Variants in KMT2B observed in about 807,000 individuals in gnomAD.
KMT2B encodes the protein lysine methyltransferase 2B.
In KMT2B, 22 loss-of-function variants were observed where a neutral mutation model predicts 255.3. The observed-to-expected ratio is 0.09, with a 90% CI of 0.06 to 0.12. The LOEUF (loss-of-function observed/expected upper bound fraction) is 0.12. Among genes scored for constraint, KMT2B ranks in the 10% least tolerant of loss-of-function variants. The pLI is 1.00. For missense variants in KMT2B, 3,149 were observed against 3,737.0 expected (o/e 0.84, Z 4.10); for synonymous variants, 1,730 against 1,498.1 (o/e 1.15, Z -3.57).
At position 35,720,804 on chromosome 19, in the gene KMT2B, G is replaced by A. The variant is rs777708173; in HGVS notation, c.1457G>A (p.Arg486Gln). ...PSQRAEREAARAGPEGTSPPT... is the reference protein window; with the variant it reads ...PSQRAEREAAQAGPEGTSPPT... ...CAGCGGGCGGAGCGGGAAGCTGCTC[G>A]GGCAGGGCCAGAGGGCACCTCTCCT... The change falls in exon 3 of 37, where the codon CGG (arginine) becomes CAG (glutamine). Residue 486 changes from arginine to glutamine, a missense_variant. Physicochemically the swap from Arg to Gln is conservative, Grantham distance 43. Coordinates refer to ENST00000420124, the MANE Select transcript of KMT2B (RefSeq NM_014727.3). The A allele has an allele frequency of 4.0e-6, 6 of 1,505,178 alleles. No individual in the cohort carries two copies. Among genetic ancestry groups the A allele is most frequent in the African/African-American group, 2.8e-5 (2 of 71,806 alleles). 93.2% of individuals were successfully genotyped at this position (1,505,178 alleles called of 1,614,324 possible).
At position 35,729,247 on chromosome 19, in the gene KMT2B, A is replaced by G; in HGVS notation, c.4868A>G (p.Asp1623Gly). Residue 1623 changes from aspartate (D) to glycine (G), a missense_variant, in exon 22 of 37, where the codon GAC becomes GGC. This residue lies in a region of KMT2B where 14 missense variants were observed against 16.7 expected (regional missense o/e 0.84). Coordinates refer to ENST00000420124, the MANE Select transcript of KMT2B (RefSeq NM_014727.3). The stretch of plus-strand genomic sequence containing the variant: ...TCGGCGGAAGTCTTCGAGGAGAACG[A>G]CGGCTCCCTCAAGAATGTGCATGCT... Reference protein sequence around the residue: ...IWSAEVFEENDGSLKNVHAAV... With the variant: ...IWSAEVFEENGGSLKNVHAAV... 6.2e-7 allele frequency: 1 copy of G among 1,606,032 alleles called. No individual in the cohort carries two copies. The highest frequency in any genetic ancestry group is 8.5e-7 in the Non-Finnish European group (1 of 1,176,364).
Position 35,730,630 on chromosome 19 carries a change from G to T in KMT2B, c.5276+14G>T, listed in dbSNP as rs779775883. ...CATTGGCTACCAGTGAGCGGTCGGG[G>T]TGATCCATGGGGCCAGGGGACTCCA... On this transcript the variant is annotated intron_variant, in intron 25 of 36. Coordinates refer to ENST00000420124, the MANE Select transcript of KMT2B (RefSeq NM_014727.3). The T allele has an allele frequency of 6.8e-6, 11 of 1,613,930 alleles. No individual in the cohort carries two copies. Among genetic ancestry groups the T allele is most frequent in the East Asian group, 2.2e-5 (1 of 44,870 alleles).
chr19:35,726,273 C>A lies in KMT2B; in HGVS notation c.3923C>A (p.Ala1308Glu). 6.2e-7 allele frequency: 1 copy of A among 1,613,864 alleles called. No homozygotes were observed. Among genetic ancestry groups the A allele is most frequent in the Non-Finnish European group, 8.5e-7 (1 of 1,179,852 alleles). ...TGTGTGCGCTGTAAGAGCTGTGGGG[C>A]AACTCCAGGCAAGAACTGGGACGTC... ...SACVRCKSCG[A>E]TPGKNWDVEW... is the part of the protein sequence containing the mutation. The change falls in exon 14 of 37, where the codon GCA (alanine) becomes GAA (glutamate). Residue 1308 changes from alanine (A) to glutamate (E), a missense_variant. By Grantham distance (107) the Ala-to-Glu change is moderately radical (BLOSUM62 -1). Coordinates refer to ENST00000420124, the MANE Select transcript of KMT2B (RefSeq NM_014727.3).
At position 35,725,356 on chromosome 19, in the gene KMT2B, C is replaced by T. The variant is rs1254276127; in HGVS notation, c.3642+23C>T. 6.4e-7 allele frequency: 1 copy of T among 1,555,492 alleles called. No individual in the cohort carries two copies. ...GAGGTTAGATCTCTGCCTTTCTTCA[C>T]AGACCCCCAGCTCTCTGTCGGTCCT... On this transcript the variant is annotated intron_variant, in intron 11 of 36. Transcript: ENST00000420124. The surrounding 1 kb of genome is among the most constrained non-coding windows in gnomAD (Gnocchi z 4.1).
Position 35,725,428 on chromosome 19 carries a change from C to T in KMT2B, c.3643-51C>T. 1.3e-6 allele frequency: 2 copies of T among 1,598,890 alleles called. No individual in the cohort carries two copies. Among genetic ancestry groups the T allele is most frequent in the South Asian group, 1.1e-5 (1 of 90,534 alleles). ...CTCTCAGCTGGGTCTCATCCCTTGG[C>T]CCTCTGGCCTCATGCTATGCCCATC... On this transcript the variant is annotated intron_variant, in intron 11 of 36. Transcript: ENST00000420124. This position sits in a 1 kb window ranked among gnomAD's most constrained non-coding sequence, Gnocchi z 4.1.
In KMT2B at chr19:35,738,822, T is replaced by A; in HGVS notation, c.*265T>A. ...CTTCTTTTCTATGCACTTTTTTATT[T>A]AAGAGGTGGGGTCCCAGGTGGGAAC... On this transcript the variant is annotated 3_prime_UTR_variant, in exon 37 of 37. Coordinates refer to ENST00000420124, the MANE Select transcript of KMT2B (RefSeq NM_014727.3). This position sits in a 1 kb window ranked among gnomAD's most constrained non-coding sequence, Gnocchi z 8.7. 2.0e-6 allele frequency: 1 copy of A among 511,734 alleles called. No homozygotes were observed. Among genetic ancestry groups the A allele is most frequent in the Admixed American group, 3.7e-5 (1 of 26,884 alleles). 31.7% of individuals were successfully genotyped at this position (511,734 alleles called of 1,614,324 possible).
chr19:35,722,230 C>G, intron 3 of KMT2B, 129 bp from the exon 4 acceptor site: 1 of 956,472 alleles, frequency 1.0e-6, no homozygotes, highest in South Asian at 1.7e-5. Context: ...GTCTTGAACT[C>G]CTGACCTCGT....
intron 30 of KMT2B, chr19:35,735,520 G>A (rs73590591): frequency 0.1 from 15,495 of 152,458 alleles, 889 homozygotes; most frequent in South Asian, 0.11. Flanking sequence ...TGACTTCTGT[G>A]TATGCTCACT....
At chr19:35,719,725 G>GCCTTCCT (rs1240277031) in intron 2 of KMT2B, 59 bp from the exon 3 acceptor site, 6 of 1,534,250 alleles carry the variant, frequency 3.9e-6, no homozygotes, top group Non-Finnish European at 5.3e-6. Flanking sequence ...CTCCTGGAGC[G>GCCTTCCT]CCTTCCTCTG....
rs749800156 is a variant in KMT2B at position 35,723,191 on chromosome 19, A to G, written c.2919A>G (p.Leu973=). 6.2e-6 allele frequency: 10 copies of G among 1,613,218 alleles called. No individual in the cohort carries two copies. Among genetic ancestry groups the G allele is most frequent in the East Asian group, 2.2e-5 (1 of 44,884 alleles). ...GATGTGGACACTGTCGGGGCTGCCT[A>G]CGTGTGCAGGACTGTGGGTCCTGTG... The part of the protein sequence containing the change: ...MARCGHCRGC[L]RVQDCGSCVN... Residue 973 remains leucine (L), a synonymous_variant, in exon 6 of 37, where the codon CTA becomes CTG. Coordinates refer to ENST00000420124, the MANE Select transcript of KMT2B (RefSeq NM_014727.3). This position sits in a 1 kb window ranked among gnomAD's most constrained non-coding sequence, Gnocchi z 7.5.
rs1969498793 is a variant in KMT2B, at chr19:35,727,353, C to T, written c.4117+84C>T. The T allele has an allele frequency of 1.3e-6, 2 of 1,576,874 alleles. No homozygotes were observed. The highest frequency in any genetic ancestry group is 8.7e-7 in the Non-Finnish European group (1 of 1,147,148). ...CACAGGCCCCAAGAGGACTGGTGGGCTAAGGGTCCTTGCTGGCCTAGGGGC... is the reference window on the plus strand; with the variant it reads ...CACAGGCCCCAAGAGGACTGGTGGGTTAAGGGTCCTTGCTGGCCTAGGGGC... On this transcript the variant is annotated intron_variant, in intron 15 of 36. Coordinates refer to ENST00000420124, the MANE Select transcript of KMT2B (RefSeq NM_014727.3). The surrounding 1 kb of genome is among the most constrained non-coding windows in gnomAD (Gnocchi z 4.2).
chr19:35,738,561 C>T lies in KMT2B; in HGVS notation c.*4C>T, dbSNP rs200375413. On this transcript the variant is annotated 3_prime_UTR_variant, in exon 37 of 37. Coordinates refer to ENST00000420124, the MANE Select transcript of KMT2B (RefSeq NM_014727.3). The surrounding 1 kb of genome is among the most constrained non-coding windows in gnomAD (Gnocchi z 8.7). ...CTGCCGTCGGTTCCTTAACTGAGGC[C>T]GTGGCTGCCCACCACGACCCCTCAC... is the stretch of plus-strand genomic sequence containing the variant. The T allele has an allele frequency of 1.4e-5, 22 of 1,609,362 alleles. No individual in the cohort carries two copies. Among genetic ancestry groups the T allele is most frequent in the African/African-American group, 8.0e-5 (6 of 74,868 alleles).
chr19:35,737,135 C>A lies in KMT2B; in HGVS notation c.7422C>A (p.Phe2474Leu). The A allele has an allele frequency of 6.2e-7, 1 of 1,610,690 alleles. No individual in the cohort carries two copies. Among genetic ancestry groups the A allele is most frequent in the Admixed American group, 1.7e-5 (1 of 59,640 alleles). The change falls in exon 33 of 37, where the codon TTC becomes TTA. Residue 2474 changes from phenylalanine to leucine, a missense_variant. Physicochemically the swap from Phe to Leu is conservative, Grantham distance 22 (BLOSUM62 0). Around this residue, in one of 18 missense-constraint regions of KMT2B, gnomAD observed 103 missense variants for 200.7 expected, o/e 0.51. Transcript: ENST00000420124. The surrounding 1 kb of genome is among the most constrained non-coding windows in gnomAD (Gnocchi z 5.3). ...LLGIHHDAVI[F>L]LAEQLPGAQR... ...GCATCCACCATGATGCTGTCATCTT[C>A]CTGGCCGAGCAGCTCCCCGGAGCCC...
chr19:35,732,031 C>T lies in KMT2B; in HGVS notation c.5561C>T (p.Pro1854Leu), dbSNP rs374674556. The T allele has an allele frequency of 3.1e-6, 5 of 1,613,114 alleles. No homozygotes were observed. The highest frequency in any genetic ancestry group is 4.2e-6 in the Non-Finnish European group (5 of 1,179,620). Residue 1854 changes from proline (P) to leucine (L), a missense_variant, in exon 27 of 37, where the codon CCT (proline) becomes CTT (leucine). By Grantham distance (98) the Pro-to-Leu change is moderately conservative. Around this residue, in one of 18 missense-constraint regions of KMT2B, gnomAD observed 897 missense variants for 825.3 expected, o/e 1.09. Coordinates refer to ENST00000420124, the MANE Select transcript of KMT2B (RefSeq NM_014727.3). ...PLRPDSGSAPPPAPRSFSGAR... is the reference protein window; with the variant it reads ...PLRPDSGSAPLPAPRSFSGAR... ...CGGCCAGATTCAGGCAGCGCCCCTC[C>T]TCCAGCCCCCCGTTCTTTTTCGGGG...
rs761567941 is a variant in KMT2B at position 35,727,784 on chromosome 19, T to G, written c.4389T>G (p.Ser1463=). The G allele has an allele frequency of 6.2e-7, 1 of 1,613,724 alleles. No individual in the cohort carries two copies. Among genetic ancestry groups the G allele is most frequent in the East Asian group, 2.2e-5 (1 of 44,882 alleles). The change falls in exon 17 of 37, where the codon TCT becomes TCG. Residue 1463 remains serine (S), a synonymous_variant. Coordinates refer to ENST00000420124, the MANE Select transcript of KMT2B (RefSeq NM_014727.3). The surrounding 1 kb of genome is among the most constrained non-coding windows in gnomAD (Gnocchi z 4.2). ...SQRFEDGHYK[S]VHSFMEDMVG... The stretch of plus-strand genomic sequence containing the variant: ...GCTTCGAGGATGGCCACTACAAGTC[T>G]GTGGTGAGTGGTACACCAGGAGGAG...
chr19:35,729,032 C>T lies in KMT2B; in HGVS notation c.4735C>T (p.Arg1579Cys). 1 of 1,614,006 alleles carries T rather than the reference C, an allele frequency of 6.2e-7. No homozygotes were observed. Among genetic ancestry groups the T allele is most frequent in the Non-Finnish European group, 8.5e-7 (1 of 1,179,896 alleles). Residue 1579 changes from arginine (R) to cysteine (C), a missense_variant, in exon 21 of 37, where the codon CGT (arginine) becomes TGT (cysteine). Arg to Cys is a radical substitution (Grantham distance 180). Transcript: ENST00000420124. ...TGCCTTCTCACACCTGGAGGACCCCCGTCAGTGTGCACTCTGCCTCAAATA... is the reference window on the plus strand; with the variant it reads ...TGCCTTCTCACACCTGGAGGACCCCTGTCAGTGTGCACTCTGCCTCAAATA... Reference protein sequence around the residue: ...PAAFSHLEDPRQCALCLKYGD... With the variant: ...PAAFSHLEDPCQCALCLKYGD...
chr19:35,732,448 C>T lies in KMT2B; in HGVS notation c.5899C>T (p.Pro1967Ser). The T allele has an allele frequency of 1.2e-6, 2 of 1,613,776 alleles. No individual in the cohort carries two copies. The highest frequency in any genetic ancestry group is 2.2e-5 in the South Asian group (2 of 91,078). The change falls in exon 28 of 37, where the codon CCA becomes TCA. Residue 1967 changes from proline to serine, a missense_variant. By Grantham distance (74) the Pro-to-Ser change is moderately conservative. Coordinates refer to ENST00000420124, the MANE Select transcript of KMT2B (RefSeq NM_014727.3). ...GGCTCCCCCTGGCCCGGCCCCATCT[C>T]CACCACCCCCTGAAGACCTGGGCCC... is the stretch of plus-strand genomic sequence containing the variant. ...ELAPPGPAPS[P>S]PPPEDLGPDF... is the part of the protein sequence containing the mutation.
Position 35,719,996 on chromosome 19 carries a change from C to T in KMT2B, c.649C>T (p.Arg217Trp), listed in dbSNP as rs747219825. ...CCGGGCATGTGAGCCCTCCACCCCC[C>T]GGCGGTCTCGGGGACGGCCCCCAGG... The part of the protein sequence containing the change: ...RSRACEPSTP[R>W]RSRGRPPGRP... Residue 217 changes from arginine to tryptophan, a missense_variant, in exon 3 of 37, where the codon CGG becomes TGG. Around this residue, in one of 18 missense-constraint regions of KMT2B, gnomAD observed 1,188 missense variants for 1,106.4 expected, o/e 1.07. Coordinates refer to ENST00000420124, the MANE Select transcript of KMT2B (RefSeq NM_014727.3). 1.8e-5 allele frequency: 29 copies of T among 1,612,962 alleles called. No homozygotes were observed. The highest frequency in any genetic ancestry group is 4.0e-5 in the African/African-American group (3 of 74,912).
intron 3 of KMT2B, 26 bp from the exon 4 acceptor site, chr19:35,722,333 C>T: frequency 1.3e-6 from 2 of 1,583,912 alleles, no homozygotes; most frequent in African/African-American, 1.3e-5. Flanking sequence ...ACTGTCCAGC[C>T]CCTGACCCTG....
Sources: gnomAD v4.1 joint callset for allele counts on GRCh38, gnomAD v4.1.1 for gene constraint, gnomAD v4.1.1 regional missense constraint, Gnocchi (gnomAD v3.1) non-coding constraint, MANE v1.5 for transcripts, NCBI Gene and HGNC (gene_info 2026-07-23, HGNC 2026-07-21) for gene names.